REXO2: variants seen among roughly 807,000 people sequenced by gnomAD.
REXO2 encodes the protein RNA exonuclease 2.
A neutral mutation model predicts 30.9 loss-of-function variants in REXO2; 17 were observed. The ratio of observed to expected loss-of-function variants is 0.55; its 90% confidence interval spans 0.38 to 0.82. The LOEUF (loss-of-function observed/expected upper bound fraction) is 0.82, where lower values mean the gene tolerates loss of function less well. Ranked by LOEUF, REXO2 falls within the 40% of genes least tolerant of loss-of-function variation. The probability of loss-of-function intolerance (pLI) is 0.00; values close to 1 mark genes in which losing one functional copy is unlikely to be tolerated. For synonymous variants in REXO2, 105 were observed against 99.6 expected, an observed-to-expected ratio of 1.05 and a Z score of -0.32; for missense variants, 253 against 293.2, an observed-to-expected ratio of 0.86 and a Z score of 1.00.
At chr11:114,447,952 T>A in intron 6 of REXO2, 73 bp downstream of exon 6, 1 of 1,111,898 alleles carries the variant, frequency 9.0e-7, no homozygotes, top group Non-Finnish European at 1.3e-6. Context: ...CTGCTTGAAA[T>A]AATGTCCCTT....
At chr11:114,440,199 T>C (rs983229296) in intron 1 of REXO2, 6 of 453,326 alleles carry the variant, frequency 1.3e-5, no homozygotes, top group Non-Finnish European at 2.6e-5. Flanking sequence ...TTCCTATCCC[T>C]TCAGGCTTTC....
Position 114,439,813 on chromosome 11 carries a change from G to T in REXO2, c.147+138G>T, listed in dbSNP as rs921186735. ...GTGAGCGCGGCCGGCCACGGGCGGTGCAGGGCAAGTCCGGAGGCAGGAGTC... is the reference window on the plus strand; with the variant it reads ...GTGAGCGCGGCCGGCCACGGGCGGTTCAGGGCAAGTCCGGAGGCAGGAGTC... On this transcript the variant is annotated intron_variant, in intron 1 of 6. Transcript: ENST00000265881. The T allele has an allele frequency of 4.7e-6, 5 of 1,060,754 alleles. No homozygotes were observed. The African/African-American group carries it at 6.5e-5, about 14-fold the overall frequency. The allele number at this position is 1,060,754 out of a possible 1,614,324, so 65.7% of individuals were successfully genotyped here. A position where few individuals can be genotyped will look rare whatever the true frequency, so the allele number is the denominator to read the frequency against.
chr11:114,441,661 C>T (rs1171248783), intron 2 of REXO2: 4 of 692,802 alleles, frequency 5.8e-6, no homozygotes, highest in Non-Finnish European at 1.1e-5. Context: ...AAATAAGTTC[C>T]TAGAGGGTAG....
At chr11:114,439,778 G>A in intron 1 of REXO2, 103 bp downstream of exon 1, 2 of 1,358,902 alleles carry the variant, frequency 1.5e-6, no homozygotes, top group Non-Finnish European at 1.9e-6. Flanking sequence ...CTGGGTCTCA[G>A]GTGTGGCAGG....
intron 2 of REXO2, chr11:114,441,917 T>C: frequency 3.3e-6 from 2 of 597,932 alleles, no homozygotes; most frequent in South Asian, 2.2e-5. Context: ...GTTGTTTTTT[T>C]CTGTTACTTG....
At chr11:114,441,608 T>C in intron 2 of REXO2, 2 of 629,532 alleles carry the variant, frequency 3.2e-6, no homozygotes, top group Non-Finnish European at 5.7e-6. Context: ...AACTCCAGAA[T>C]AGGAACAAAG....
At position 114,447,816 on chromosome 11, in the gene REXO2, C is replaced by T; in HGVS notation, c.531-10C>T. 6.2e-7 allele frequency: 1 copy of T among 1,609,736 alleles called. No homozygotes were observed. Among genetic ancestry groups the T allele is most frequent in the African/African-American group, 1.3e-5 (1 of 74,754 alleles). On this transcript the variant is annotated splice_polypyrimidine_tract_variant and intron_variant, in intron 5 of 6. Transcript: ENST00000265881. The stretch of plus-strand genomic sequence containing the variant: ...GCTTCCTTTGAGAGTTCCATTTCTG[C>T]TGTGTATAGACGCTGGTATCCAGAA...
chr11:114,440,448 A>G (rs1833049063), intron 1 of REXO2, among the ~76,000 whole-genome samples: 1 of 152,164 alleles, frequency 6.6e-6, no homozygotes, highest in African/African-American at 2.4e-5. Context: ...GTGCTTGACA[A>G]ATAGCAGGCC....
intron 1 of REXO2, 24 bp downstream of exon 1, chr11:114,439,699 TG>T: frequency 6.8e-7 from 1 of 1,461,974 alleles, no homozygotes. Flanking sequence ...GCGGGGGGCT[TG>T]GGGAGGCGAG....
At chr11:114,442,917 T>A (rs1006983738) in intron 2 of REXO2, among the ~76,000 whole-genome samples, 4 of 152,218 alleles carry the variant, frequency 2.6e-5, no homozygotes, top group Non-Finnish European at 5.9e-5. Context: ...TAAAACAGTG[T>A]AACTATCCAA....
intron 5 of REXO2, among the ~76,000 whole-genome samples, chr11:114,447,183 C>T (rs1416413434): frequency 6.6e-6 from 1 of 152,100 alleles, no homozygotes; most frequent in East Asian, 1.9e-4. Context: ...GCCTCGGCCT[C>T]CCAAAGTGCT....
chr11:114,447,909 A>G (rs1359476798), intron 6 of REXO2, 30 bp downstream of exon 6: 3 of 1,580,678 alleles, frequency 1.9e-6, no homozygotes, highest in African/African-American at 2.7e-5. Context: ...AGCGTTTTCC[A>G]GTCTGACACA....
chr11:114,440,781 A>T (rs1406560863), intron 2 of REXO2, 42 bp downstream of exon 2: 19 of 1,381,190 alleles, frequency 1.4e-5, no homozygotes, highest in Non-Finnish European at 1.6e-5. Context: ...TTTAAAGGGC[A>T]CTGGAAATAT....
At chr11:114,442,376 A>T (rs1215490177) in intron 2 of REXO2, among the ~76,000 whole-genome samples, 2 of 151,818 alleles carry the variant, frequency 1.3e-5, no homozygotes, top group Non-Finnish European at 2.9e-5. Context: ...TAATAGTATG[A>T]GTATTTTTTT....
chr11:114,445,201 TTTAGTTATA>T (rs1162254198), intron 4 of REXO2: 1 of 152,230 alleles, frequency 6.6e-6, no homozygotes, highest in Non-Finnish European at 1.5e-5. Flanking sequence ...GTGCATTTCA[TTTAGTTATA>T]TTTCTTTAGT....
intron 2 of REXO2, among the ~76,000 whole-genome samples, chr11:114,443,005 A>C (rs1003136472): frequency 6.6e-6 from 1 of 151,884 alleles, no homozygotes; most frequent in African/African-American, 2.4e-5. Context: ...TATTGTCTTG[A>C]TATTTTGTAT....
intron 6 of REXO2, among the ~76,000 whole-genome samples, chr11:114,448,744 T>C (rs2134788537): frequency 6.6e-6 from 1 of 152,364 alleles, no homozygotes; most frequent in South Asian, 2.1e-4. Context: ...GTGAAACGTG[T>C]ATATTCACAC....
At chr11:114,444,089 C>A in intron 3 of REXO2, 156 bp downstream of exon 3, 1 of 691,446 alleles carries the variant, frequency 1.4e-6, no homozygotes, top group Non-Finnish European at 2.7e-6. Flanking sequence ...GTTTACTTTT[C>A]ATCTTTGGGA....
rs1466913369 is a variant in REXO2, at chr11:114,439,690, CG to C, written c.147+21del. ...TGGACCTGGAGGTGAGTGAGGTCGG[CG>C]GGGGGCTTGGGGAGGCGAGTGAGGT... On this transcript the variant is annotated intron_variant, in intron 1 of 6. Transcript: ENST00000265881. 2 of 1,476,966 alleles carry C rather than the reference CG, an allele frequency of 1.4e-6. No individual in the cohort carries two copies. 91.5% of individuals were successfully genotyped at this position (1,476,966 alleles called of 1,614,324 possible). A position where few individuals can be genotyped will look rare whatever the true frequency, so the allele number is the denominator to read the frequency against.
Sources: allele counts gnomAD v4.1 joint callset (sites outside exome capture counted in the v4.1 genomes callset), GRCh38; gene constraint gnomAD v4.1.1; transcripts MANE v1.5; gene names NCBI Gene and HGNC (gene_info 2026-07-23, HGNC 2026-07-21).